PKP4: variants seen among roughly 807,000 people sequenced by gnomAD.
PKP4 encodes the protein plakophilin-4.
PKP4 carries 90 observed loss-of-function variants against 145.1 expected under a neutral mutation model. The ratio of observed to expected loss-of-function variants is 0.62; its 90% CI spans 0.52 to 0.74. The LOEUF (loss-of-function observed/expected upper bound fraction) is 0.74, where lower values mean the gene tolerates loss of function less well. PKP4 is among the 30% of genes least tolerant of loss of function. PKP4 has a pLI of 0.00. For synonymous variants in PKP4, 563 were observed against 577.2 expected, an observed-to-expected ratio of 0.98 and a Z score of 0.35; for missense variants, 1,340 against 1,482.7, an observed-to-expected ratio of 0.90 and a Z score of 1.58.
At chr2:158,647,271 A>G (rs1322031082) in intron 11 of PKP4, among the ~76,000 whole-genome samples, 1 of 152,262 alleles carries the variant, frequency 6.6e-6, no homozygotes, top group Non-Finnish European at 1.5e-5. Flanking sequence ...AGTGAAAATT[A>G]TAGTCAACTT....
rs1337572539 is a variant in PKP4 at position 158,677,326 on chromosome 2, G to A, written c.3256+459G>A. The A allele has an allele frequency of 3.5e-5, 8 of 229,080 alleles. No homozygotes were observed. The East Asian group carries it at 7.4e-4, about 21-fold the overall frequency. The allele number at this position is 229,080 out of a possible 1,614,324, so 14.2% of individuals were successfully genotyped here. On this transcript the variant is annotated intron_variant, in intron 20 of 21. Transcript: ENST00000389759. ...TTCATTTACATTTTCATGGAGAAGA[G>A]TTTGAATAAATAGCAAAAGGTATAA...
intron 3 of PKP4, among the ~76,000 whole-genome samples, chr2:158,579,642 A>G (rs185271321): frequency 6.6e-6 from 1 of 152,232 alleles, no homozygotes; most frequent in Non-Finnish European, 1.5e-5. Context: ...ATTACAAAGA[A>G]CATACTTATT....
intron 11 of PKP4, among the ~76,000 whole-genome samples, chr2:158,657,264 A>G (rs138922586): frequency 6.6e-6 from 1 of 152,310 alleles, no homozygotes; most frequent in East Asian, 1.9e-4. Context: ...TCCAATGTCT[A>G]TGAGAGCAAT....
Position 158,494,409 on chromosome 2 carries a change from A to G in PKP4, c.-6+37191A>G, listed in dbSNP as rs532966313. On this transcript the variant is annotated intron_variant, in intron 1 of 21. Transcript: ENST00000389759. The stretch of plus-strand genomic sequence containing the variant: ...GCGTTATTTGCAATGATATGAATAA[A>G]TAAAATGTGTTAGTTATTTGAAAGT... 1.9e-4 allele frequency among the ~76,000 whole-genome samples: 29 copies of G among 152,330 alleles called. No individual in the cohort carries two copies. In the East Asian group the frequency reaches 4.8e-3, roughly 25 times the overall value.
In PKP4 at chr2:158,681,065, T is replaced by C. The variant is rs1227891962; in HGVS notation, c.*388T>C. The C allele has an allele frequency of 5.9e-6, 1 of 168,080 alleles. No individual in the cohort carries two copies. Among genetic ancestry groups the C allele is most frequent in the African/African-American group, 2.4e-5 (1 of 41,836 alleles). 10.4% of individuals were successfully genotyped at this position (168,080 alleles called of 1,614,324 possible). A position where few individuals can be genotyped will look rare whatever the true frequency, so the allele number is the denominator to read the frequency against. The stretch of plus-strand genomic sequence containing the variant: ...AGAAAAAATAAAATGGATGCCCATG[T>C]TTTATTGCTATTACTAAATGTCAAG... On this transcript the variant is annotated 3_prime_UTR_variant, in exon 22 of 22. Transcript: ENST00000389759.
chr2:158,654,328 A>G (rs886337180), intron 11 of PKP4, among the ~76,000 whole-genome samples: 3 of 152,224 alleles, frequency 2.0e-5, no homozygotes, highest in East Asian at 1.9e-4. Context: ...TTTTCTGATC[A>G]AGAATAACTG....
intron 15 of PKP4, among the ~76,000 whole-genome samples, chr2:158,664,796 C>T (rs1172414232): frequency 1.3e-5 from 2 of 152,190 alleles, no homozygotes; most frequent in Admixed American, 1.3e-4. Context: ...TTTCCACCTC[C>T]CTAAAATAAA....
intron 4 of PKP4, among the ~76,000 whole-genome samples, chr2:158,612,731 G>A (rs2051248958): frequency 6.6e-6 from 1 of 151,978 alleles, no homozygotes. Flanking sequence ...CATAAAACAG[G>A]AACAGATTGA....
At chr2:158,502,150 A>C (rs1409337882) in intron 1 of PKP4, among the ~76,000 whole-genome samples, 1 of 152,184 alleles carries the variant, frequency 6.6e-6, no homozygotes, top group African/African-American at 2.4e-5. Context: ...GATTTTTAAA[A>C]AATCATGAAA....
At chr2:158,617,636 A>G (rs1015818795) in intron 4 of PKP4, among the ~76,000 whole-genome samples, 3 of 152,312 alleles carry the variant, frequency 2.0e-5, no homozygotes, top group South Asian at 2.1e-4. Context: ...GAACCTTACC[A>G]TACTACAGTG....
At chr2:158,543,093 T>C (rs1412505305) in intron 2 of PKP4, among the ~76,000 whole-genome samples, 1 of 152,178 alleles carries the variant, frequency 6.6e-6, no homozygotes, top group African/African-American at 2.4e-5. Context: ...GCCATGAGTT[T>C]TCGTACCTTT....
At position 158,621,081 on chromosome 2, in the gene PKP4, C is replaced by G; in HGVS notation, c.372C>G (p.Thr124=). The G allele has an allele frequency of 6.2e-7, 1 of 1,614,102 alleles. No individual in the cohort carries two copies. The highest frequency in any genetic ancestry group is 8.5e-7 in the Non-Finnish European group (1 of 1,179,964). ...TCAGGACAGAGCCAGAACAAGGAAC[C>G]CTCTATTCACCAGAACAGACATCTC... ...YLIRTEPEQG[T]LYSPEQTSLH... Residue 124 remains threonine, a synonymous_variant, in exon 5 of 22, where the codon ACC becomes ACG. Transcript: ENST00000389759.
intron 2 of PKP4, among the ~76,000 whole-genome samples, chr2:158,574,061 C>G (rs2047638112): frequency 6.6e-6 from 1 of 152,200 alleles, no homozygotes; most frequent in South Asian, 2.1e-4. Flanking sequence ...TTATTTTCAT[C>G]TATTCTCTTA....
rs2052617662 is a variant in PKP4, at chr2:158,624,971, T to C, written c.697T>C (p.Ser233Pro). The change falls in exon 7 of 22, where the codon TCA (serine) becomes CCA (proline). Residue 233 changes from serine to proline, a missense_variant. Transcript: ENST00000389759. ...TGTTATCAGCACAGGCGTGTCTCCT[T>C]CAAGGGGGTCTCTGAGAACTTCTCT... is the stretch of plus-strand genomic sequence containing the variant. ...SYVISTGVSP[S>P]RGSLRTSLGS... 2 of 1,614,008 alleles carry C rather than the reference T, an allele frequency of 1.2e-6. No homozygotes were observed. The highest frequency in any genetic ancestry group is 1.7e-6 in the Non-Finnish European group (2 of 1,180,002).
intron 1 of PKP4, among the ~76,000 whole-genome samples, chr2:158,483,509 T>C (rs1693683832): frequency 6.6e-6 from 1 of 152,148 alleles, no homozygotes. Flanking sequence ...TAATTAACTC[T>C]AGCTACATAT....
At chr2:158,545,737 CAT>C (rs2044973671) in intron 2 of PKP4, among the ~76,000 whole-genome samples, 1 of 152,086 alleles carries the variant, frequency 6.6e-6, no homozygotes. Flanking sequence ...TGAGATTTCA[CAT>C]GTGTATTGCA....
At chr2:158,463,081 A>G (rs1199154456) in intron 1 of PKP4, among the ~76,000 whole-genome samples, 1 of 152,254 alleles carries the variant, frequency 6.6e-6, no homozygotes, top group African/African-American at 2.4e-5. Flanking sequence ...ACTGCTGAAC[A>G]GAAACCATTG....
intron 2 of PKP4, among the ~76,000 whole-genome samples, chr2:158,533,972 A>G (rs1271702339): frequency 6.6e-6 from 1 of 152,170 alleles, no homozygotes; most frequent in Non-Finnish European, 1.5e-5. Context: ...TCAAAGCTTA[A>G]TAAGGTAAAT....
At chr2:158,566,384 T>A (rs184447127) in intron 2 of PKP4, among the ~76,000 whole-genome samples, 4 of 152,210 alleles carry the variant, frequency 2.6e-5, no homozygotes, top group South Asian at 4.1e-4. Flanking sequence ...AAATAATGAT[T>A]TATGCGGACT....
Sources: gnomAD v4.1 joint callset for allele counts (sites outside exome capture counted in the v4.1 genomes callset) on GRCh38, gnomAD v4.1.1 for gene constraint, MANE v1.5 for transcripts, NCBI Gene and HGNC (gene_info 2026-07-23, HGNC 2026-07-21) for gene names.